The following EYS variants were observed in gnomAD, a reference collection of about 807,000 sequenced individuals.
The protein encoded by EYS is EGF-like photoreceptor maintenance factor.
EYS carries 250 observed loss-of-function variants against 282.1 expected under a neutral mutation model. The ratio of observed to expected loss-of-function variants is 0.89; its 90% CI spans 0.80 to 0.98. The LOEUF (loss-of-function observed/expected upper bound fraction) is 0.98, where lower values mean the gene tolerates loss of function less well. Among genes scored for constraint, EYS ranks in the 50% least tolerant of loss-of-function variants. The pLI is 0.00. For missense variants in EYS, 4,016 were observed against 3,709.0 expected, an observed-to-expected ratio of 1.08 and a Z score of -2.15; for synonymous variants, 1,355 against 1,282.9, an observed-to-expected ratio of 1.06 and a Z score of -1.20.
intron 11 of EYS, among the ~76,000 whole-genome samples, chr6:65,317,169 G>A (rs1769316939): frequency 6.6e-6 from 1 of 151,928 alleles, no homozygotes; most frequent in African/African-American, 2.4e-5. Flanking sequence ...CTCAATTGTT[G>A]GAAGAACTCA....
At chr6:65,572,415 G>T (rs546608447) in intron 2 of EYS, among the ~76,000 whole-genome samples, 1 of 152,104 alleles carries the variant, frequency 6.6e-6, no homozygotes, top group African/African-American at 2.4e-5. Context: ...TTAAGTCTCA[G>T]AAAATACAAA....
rs542534271 is a variant in EYS at position 65,699,847 on chromosome 6, G to C, written c.-448+7288C>G. The stretch of plus-strand genomic sequence containing the variant: ...ATATTAAAACAGGCCGGGCGCGGTG[G>C]CTCACGCCTGTAATCCCAGCACTTT... On this transcript the variant is annotated intron_variant, in intron 1 of 42. Transcript: ENST00000503581. Among the ~76,000 whole-genome samples, 3 of 152,172 alleles carry C rather than the reference G, an allele frequency of 2.0e-5. No individual in the cohort carries two copies. In the South Asian group the frequency reaches 6.2e-4, roughly 32 times the overall value.
chr6:63,852,298 A>T (rs1772280522), intron 36 of EYS, among the ~76,000 whole-genome samples: 1 of 151,990 alleles, frequency 6.6e-6, no homozygotes, highest in African/African-American at 2.4e-5. Flanking sequence ...GAAAGGGGAG[A>T]TCACCACTGA....
intron 18 of EYS, among the ~76,000 whole-genome samples, chr6:64,897,176 C>T (rs971284133): frequency 6.6e-6 from 1 of 152,102 alleles, no homozygotes; most frequent in Non-Finnish European, 1.5e-5. Context: ...CTCCCAGCAG[C>T]GGTCGACAGA....
At chr6:64,315,484 A>G (rs1769919628) in intron 29 of EYS, among the ~76,000 whole-genome samples, 1 of 151,868 alleles carries the variant, frequency 6.6e-6, no homozygotes, top group African/African-American at 2.4e-5. Flanking sequence ...TTTCAGGCCA[A>G]TATCCCTTAT....
At chr6:64,208,567 C>A (rs1377226012) in intron 31 of EYS, among the ~76,000 whole-genome samples, 1 of 151,756 alleles carries the variant, frequency 6.6e-6, no homozygotes, top group African/African-American at 2.4e-5. Context: ...AGGTTTAGAA[C>A]CTAGATTACC....
At chr6:65,439,630 T>C (rs1394341384) in intron 5 of EYS, among the ~76,000 whole-genome samples, 2 of 152,190 alleles carry the variant, frequency 1.3e-5, no homozygotes, top group East Asian at 1.9e-4. Flanking sequence ...GGGAGTTCAC[T>C]CATGATTTGG....
At chr6:65,218,746 G>A (rs911953452) in intron 12 of EYS, among the ~76,000 whole-genome samples, 2 of 152,006 alleles carry the variant, frequency 1.3e-5, no homozygotes, top group Non-Finnish European at 2.9e-5. Context: ...CAGAAATACT[G>A]TTAAATATGT....
Position 65,136,663 on chromosome 6 carries a change from A to G in EYS, c.2024-78936T>C, listed in dbSNP as rs184962844. Among the ~76,000 whole-genome samples, 281 of 125,584 alleles carry G rather than the reference A, an allele frequency of 2.2e-3. 3 individuals carry two copies. The highest frequency in any genetic ancestry group is 9.9e-3 in the African/African-American group (265 of 26,806). 82.4% of individuals were successfully genotyped at this position (125,584 alleles called of 152,430 possible). Reference sequence around the variant, plus strand: ...TATTATCAAAACAGTATGTTACTAGACAAAAAAATATCACAAAATTATAAT... The same window carrying G: ...TATTATCAAAACAGTATGTTACTAGGCAAAAAAATATCACAAAATTATAAT... On this transcript the variant is annotated intron_variant, in intron 12 of 42. Transcript: ENST00000503581.
At chr6:64,126,692 A>G (rs928445186) in intron 31 of EYS, among the ~76,000 whole-genome samples, 6 of 151,948 alleles carry the variant, frequency 3.9e-5, no homozygotes, top group Non-Finnish European at 8.8e-5. Flanking sequence ...TCCCCTCTTC[A>G]CTGTCTTCCT....
intron 26 of EYS, among the ~76,000 whole-genome samples, chr6:64,559,284 T>G (rs1223214101): frequency 6.6e-6 from 1 of 151,202 alleles, no homozygotes; most frequent in Non-Finnish European, 1.5e-5. Flanking sequence ...TGTGTGTGTG[T>G]GTGTGTGTGT....
chr6:64,041,573 C>A (rs1562169863), intron 33 of EYS, among the ~76,000 whole-genome samples: 1 of 152,070 alleles, frequency 6.6e-6, no homozygotes, highest in East Asian at 1.9e-4. Flanking sequence ...AGAGATGGCA[C>A]TAAAAATGAT....
intron 30 of EYS, among the ~76,000 whole-genome samples, chr6:64,247,351 GGAAGGAACTTCCT>G (rs1426546675): frequency 2.0e-5 from 3 of 152,152 alleles, no homozygotes; most frequent in Non-Finnish European, 4.4e-5. Context: ...CTCACAAGGA[GGAAGGAACTTCCT>G]GAAGCTCATA....
At chr6:64,592,988 C>T (rs1413200597) in intron 25 of EYS, 129 bp downstream of exon 25, 3 of 622,540 alleles carry the variant, frequency 4.8e-6, no homozygotes, top group Non-Finnish European at 7.6e-6. Flanking sequence ...ACCAATAATG[C>T]TTAATTTTAC....
At chr6:65,692,785 T>TA (rs1038027002) in intron 1 of EYS, among the ~76,000 whole-genome samples, 11 of 150,172 alleles carry the variant, frequency 7.3e-5, no homozygotes, top group Admixed American at 2.0e-4. Context: ...GCTACAATTT[T>TA]AAAAAAAGGT....
intron 41 of EYS, among the ~76,000 whole-genome samples, chr6:63,736,174 G>A (rs1181666522): frequency 6.6e-6 from 1 of 152,146 alleles, no homozygotes; most frequent in Non-Finnish European, 1.5e-5. Flanking sequence ...CCTATGTCCT[G>A]AATGGTATTG....
At chr6:64,065,033 G>A (rs762769209) in intron 33 of EYS, among the ~76,000 whole-genome samples, 8 of 152,088 alleles carry the variant, frequency 5.3e-5, no homozygotes, top group Non-Finnish European at 1.0e-4. Flanking sequence ...TTGCCTTCTT[G>A]TTATAAGCAA....
intron 19 of EYS, among the ~76,000 whole-genome samples, chr6:64,881,100 G>A (rs528735850): frequency 3.3e-5 from 5 of 151,620 alleles, no homozygotes; most frequent in Non-Finnish European, 7.4e-5. Flanking sequence ...TGTCCATCCT[G>A]ATTACTGCAT....
chr6:64,756,456 T>A (rs1562173806), intron 22 of EYS, among the ~76,000 whole-genome samples: 1 of 152,162 alleles, frequency 6.6e-6, no homozygotes. Flanking sequence ...CCATAATGCC[T>A]TATAGCCTGG....
Sources: allele counts gnomAD v4.1 joint callset (sites outside exome capture counted in the v4.1 genomes callset), GRCh38; gene constraint gnomAD v4.1.1; transcripts MANE v1.5; gene names NCBI Gene and HGNC (gene_info 2026-07-23, HGNC 2026-07-21).